Variants in NMNAT3 observed in about 807,000 individuals in gnomAD.
NMNAT3 encodes the protein nicotinamide nucleotide adenylyltransferase 3.
NMNAT3 carries 21 observed loss-of-function variants against 24.8 expected under a neutral mutation model. That is an observed-to-expected ratio of 0.85 (90% CI 0.60 to 1.22). The LOEUF (loss-of-function observed/expected upper bound fraction) is 1.22, where lower values mean the gene tolerates loss of function less well. NMNAT3 is among the 50% of genes most tolerant of loss of function. NMNAT3 has a pLI of 0.00. For synonymous variants in NMNAT3, 136 were observed against 155.2 expected (o/e 0.88, Z 0.92); for missense variants, 387 against 436.6 (o/e 0.89, Z 1.01).
chr3:139,632,032 G>A (rs2056320334), intron 2 of NMNAT3, among the ~76,000 whole-genome samples: 1 of 152,034 alleles, frequency 6.6e-6, no homozygotes, highest in Non-Finnish European at 1.5e-5. Context: ...GCTCACTGCA[G>A]CCTCAGACTC....
At chr3:139,563,340 TG>T (rs754712957) in intron 6 of NMNAT3, among the ~76,000 whole-genome samples, 2 of 152,206 alleles carry the variant, frequency 1.3e-5, no homozygotes, top group Non-Finnish European at 2.9e-5. Context: ...TAGTTTTATG[TG>T]GTCTTCCTAT....
At chr3:139,599,839 G>GA (rs1308055626) in intron 3 of NMNAT3, among the ~76,000 whole-genome samples, 5 of 152,200 alleles carry the variant, frequency 3.3e-5, no homozygotes, top group Non-Finnish European at 7.3e-5. Flanking sequence ...CTGCTGGCCA[G>GA]AAGTGCCCAT....
intron 3 of NMNAT3, among the ~76,000 whole-genome samples, chr3:139,602,318 G>C (rs1347865634): frequency 6.6e-6 from 1 of 152,164 alleles, no homozygotes; most frequent in African/African-American, 2.4e-5. Flanking sequence ...CATTGTATTA[G>C]GGAAGAGACC....
chr3:139,601,957 A>T (rs2054736534), intron 3 of NMNAT3, among the ~76,000 whole-genome samples: 1 of 152,242 alleles, frequency 6.6e-6, no homozygotes, highest in African/African-American at 2.4e-5. Context: ...ACTTTAAAAA[A>T]TCTTCATAAC....
At chr3:139,659,261 C>A (rs780891471) in intron 1 of NMNAT3, among the ~76,000 whole-genome samples, 9 of 152,184 alleles carry the variant, frequency 5.9e-5, no homozygotes, top group Non-Finnish European at 1.0e-4. Flanking sequence ...ACCTGTTTGT[C>A]TTGCTGGGGA....
At chr3:139,569,006 C>T (rs1051538061) in intron 6 of NMNAT3, 4 of 152,128 alleles carry the variant, frequency 2.6e-5, no homozygotes, top group Non-Finnish European at 5.9e-5. Context: ...TAAGGACTTG[C>T]TTTATGAATG....
chr3:139,579,042 G>A lies in NMNAT3; in HGVS notation c.405C>T (p.Val135=). Residue 135 remains valine, a synonymous_variant, in exon 5 of 7, where the codon GTC becomes GTT. Coordinates refer to ENST00000643695, the MANE Select transcript of NMNAT3 (RefSeq NM_001320510.2). ...TGACAGGAGAGATGATACCCTGGAT[G>A]ACCTGGTACATTCCTAGGTAAGAGA... The A allele has an allele frequency of 1.2e-6, 2 of 1,613,680 alleles. No individual in the cohort carries two copies. Among genetic ancestry groups the A allele is most frequent in the East Asian group, 4.5e-5 (2 of 44,882 alleles).
chr3:139,649,346 C>CA (rs34612937), intron 1 of NMNAT3, among the ~76,000 whole-genome samples: 8 of 151,580 alleles, frequency 5.3e-5, no homozygotes, highest in African/African-American at 1.7e-4. Flanking sequence ...AACAAACAAA[C>CA]AAAAAAACTG....
Position 139,583,091 on chromosome 3 carries a change from T to A in NMNAT3, c.227A>T (p.Asn76Ile), listed in dbSNP as rs2053741391. 3 of 1,580,784 alleles carry A rather than the reference T, an allele frequency of 1.9e-6. No individual in the cohort carries two copies. In the Admixed American group the frequency reaches 5.1e-5, roughly 27 times the overall value. ...AAAAGATGACTTGTCAGGGTCATCA[T>A]TTTTGCTGCTAACATTATTTTGAAT... is the stretch of plus-strand genomic sequence containing the variant. The change falls in exon 4 of 7, where the codon AAT becomes ATT. Residue 76 changes from asparagine to isoleucine, a missense_variant. Coordinates refer to ENST00000643695, the MANE Select transcript of NMNAT3 (RefSeq NM_001320510.2).
chr3:139,615,146 G>C (rs905044179), intron 3 of NMNAT3, among the ~76,000 whole-genome samples: 1 of 152,164 alleles, frequency 6.6e-6, no homozygotes, highest in Non-Finnish European at 1.5e-5. Context: ...TACATTGGCT[G>C]TAGTGTCCCT....
chr3:139,628,519 A>G (rs2056154229), intron 2 of NMNAT3, among the ~76,000 whole-genome samples: 1 of 152,220 alleles, frequency 6.6e-6, no homozygotes, highest in African/African-American at 2.4e-5. Context: ...CTGGACTATT[A>G]TCTAATGTGC....
intron 1 of NMNAT3, among the ~76,000 whole-genome samples, chr3:139,664,299 G>A (rs933917418): frequency 4.6e-5 from 7 of 152,174 alleles, no homozygotes; most frequent in African/African-American, 1.4e-4. Context: ...GCTCCATTGT[G>A]TGGTCCTGCA....
At chr3:139,582,179 A>G (rs2053653547) in intron 4 of NMNAT3, among the ~76,000 whole-genome samples, 1 of 143,730 alleles carries the variant, frequency 7.0e-6, no homozygotes, top group Non-Finnish European at 1.5e-5. Flanking sequence ...CAACAGAGCA[A>G]GACTCCCTCT....
chr3:139,659,365 TC>T (rs1285782319), intron 1 of NMNAT3, among the ~76,000 whole-genome samples: 1 of 152,098 alleles, frequency 6.6e-6, no homozygotes, highest in African/African-American at 2.4e-5. Context: ...TGATAGAAGA[TC>T]AAAAAGCACA....
At chr3:139,582,273 T>C (rs1184530417) in intron 4 of NMNAT3, among the ~76,000 whole-genome samples, 1 of 147,420 alleles carries the variant, frequency 6.8e-6, no homozygotes, top group South Asian at 2.2e-4. Flanking sequence ...TCTTAGTAAA[T>C]GTGTTCACCA....
chr3:139,623,585 C>T (rs573905372), intron 3 of NMNAT3, among the ~76,000 whole-genome samples: 8 of 151,834 alleles, frequency 5.3e-5, no homozygotes, highest in East Asian at 1.9e-4. Context: ...CTTAATTGGT[C>T]GATTGATTGA....
At chr3:139,591,057 C>A (rs1427691438) in intron 3 of NMNAT3, among the ~76,000 whole-genome samples, 1 of 151,852 alleles carries the variant, frequency 6.6e-6, no homozygotes, top group East Asian at 1.9e-4. Flanking sequence ...ATCTGAGGTA[C>A]CGGGTTCATC....
At chr3:139,610,761 A>G (rs1046652472) in intron 3 of NMNAT3, among the ~76,000 whole-genome samples, 2 of 152,142 alleles carry the variant, frequency 1.3e-5, no homozygotes, top group African/African-American at 4.8e-5. Context: ...TTTCCCCCTT[A>G]TCTCAGATTG....
intron 1 of NMNAT3, among the ~76,000 whole-genome samples, chr3:139,639,517 G>A (rs1020175693): frequency 1.3e-5 from 2 of 152,134 alleles, no homozygotes; most frequent in African/African-American, 4.8e-5. Flanking sequence ...CAAAAGACAG[G>A]CATGTTTATT....
Sources: gnomAD v4.1 joint callset for allele counts (sites outside exome capture counted in the v4.1 genomes callset) on GRCh38, gnomAD v4.1.1 for gene constraint, MANE v1.5 for transcripts, NCBI Gene and HGNC (gene_info 2026-07-23, HGNC 2026-07-21) for gene names.